SREBF2: variants seen among roughly 807,000 people sequenced by gnomAD.
The protein encoded by SREBF2 is sterol regulatory element-binding protein 2.
Under a neutral mutation model 113.1 loss-of-function variants are expected in SREBF2, and 55 were observed. The ratio of observed to expected loss-of-function variants is 0.49; its 90% CI spans 0.39 to 0.61. The LOEUF is 0.61. Among genes scored for constraint, SREBF2 ranks in the 20% least tolerant of loss-of-function variants. SREBF2 has a pLI of 0.00. For synonymous variants in SREBF2, 593 were observed against 605.7 expected (o/e 0.98, Z 0.31); for missense variants, 1,349 against 1,487.4 (o/e 0.91, Z 1.53).
intron 9 of SREBF2, among the ~76,000 whole-genome samples, chr22:41,880,049 C>T (rs1190771719): frequency 1.3e-5 from 2 of 152,072 alleles, no homozygotes; most frequent in Non-Finnish European, 2.9e-5. Flanking sequence ...TGAAAAGAAA[C>T]GCTTTAGCAG....
At position 41,833,457 on chromosome 22, in the gene SREBF2, G is replaced by A; in HGVS notation, c.88+99G>A. 9.2e-7 allele frequency: 1 copy of A among 1,084,010 alleles called. No homozygotes were observed. The highest frequency in any genetic ancestry group is 1.3e-6 in the Non-Finnish European group (1 of 761,872). 67.1% of individuals were successfully genotyped at this position (1,084,010 alleles called of 1,614,324 possible). The stretch of plus-strand genomic sequence containing the variant: ...GTGCGCCCACCCCCCGACAGCCCCG[G>A]TTCGCGCGGGAAGAACCCCGTGCGC... On this transcript the variant is annotated intron_variant, in intron 1 of 18. Transcript: ENST00000361204. The surrounding 1 kb of genome is among the most constrained non-coding windows in gnomAD (Gnocchi z 4.1).
chr22:41,864,672 C>T (rs1056225649), intron 1 of SREBF2, among the ~76,000 whole-genome samples: 5 of 151,768 alleles, frequency 3.3e-5, no homozygotes, highest in Admixed American at 1.3e-4. Flanking sequence ...GAGAAGGGAT[C>T]TGGCTAGGTG....
intron 12 of SREBF2, among the ~76,000 whole-genome samples, chr22:41,894,026 T>C (rs1323813738): frequency 6.6e-6 from 1 of 152,142 alleles, no homozygotes; most frequent in Non-Finnish European, 1.5e-5. Flanking sequence ...ACTGTATTGC[T>C]CAACGTGAGA....
intron 1 of SREBF2, among the ~76,000 whole-genome samples, chr22:41,851,937 G>A (rs756327823): frequency 2.6e-5 from 4 of 151,986 alleles, no homozygotes; most frequent in Admixed American, 6.5e-5. Context: ...TGGCTAACAC[G>A]GTGAAACCCC....
At chr22:41,839,162 C>T (rs1052982480) in intron 1 of SREBF2, among the ~76,000 whole-genome samples, 11 of 152,040 alleles carry the variant, frequency 7.2e-5, no homozygotes, top group Non-Finnish European at 1.5e-4. Flanking sequence ...TCTAAGATCC[C>T]ATTAAGACTT....
intron 9 of SREBF2, chr22:41,878,721 T>G: frequency 7.7e-7 from 1 of 1,304,234 alleles, no homozygotes. Context: ...ACATCCACAT[T>G]TCAAGAGGAA....
At chr22:41,873,640 T>C in intron 4 of SREBF2, 158 bp from the exon 5 acceptor site, 1 of 733,564 alleles carries the variant, frequency 1.4e-6, no homozygotes, top group East Asian at 2.7e-5. Context: ...TCCTGAGACT[T>C]CTTGGGGCCT....
intron 12 of SREBF2, 48 bp from the exon 13 acceptor site, chr22:41,894,772 G>A (rs776118998): frequency 6.6e-7 from 1 of 1,518,394 alleles, no homozygotes. Flanking sequence ...GACAAAGTGG[G>A]CTCATAAATG....
intron 1 of SREBF2, among the ~76,000 whole-genome samples, chr22:41,858,319 G>C (rs2076995848): frequency 6.6e-6 from 1 of 152,172 alleles, no homozygotes; most frequent in South Asian, 2.1e-4. Flanking sequence ...CTATTCCTCT[G>C]ATCTTGAGGA....
intron 10 of SREBF2, among the ~76,000 whole-genome samples, chr22:41,884,602 C>T (rs899570044): frequency 6.6e-6 from 1 of 152,202 alleles, no homozygotes; most frequent in Non-Finnish European, 1.5e-5. Context: ...GCAATTGTGA[C>T]AGCTCTGGGT....
At position 41,875,525 on chromosome 22, in the gene SREBF2, G is replaced by C; in HGVS notation, c.1205-18G>C. Reference sequence around the variant, plus strand: ...TGTAAAAGCAGATCATTTTCACCAGGTGGGGTTTTCTTTGCAGAGCTTCTA... The same window carrying C: ...TGTAAAAGCAGATCATTTTCACCAGCTGGGGTTTTCTTTGCAGAGCTTCTA... On this transcript the variant is annotated intron_variant, in intron 6 of 18. Coordinates refer to ENST00000361204, the MANE Select transcript of SREBF2 (RefSeq NM_004599.4). 6.2e-7 allele frequency: 1 copy of C among 1,614,228 alleles called. No homozygotes were observed. Among genetic ancestry groups the C allele is most frequent in the Non-Finnish European group, 8.5e-7 (1 of 1,180,046 alleles).
intron 1 of SREBF2, among the ~76,000 whole-genome samples, chr22:41,834,269 C>T (rs1429004657): frequency 6.6e-6 from 1 of 152,118 alleles, no homozygotes; most frequent in Non-Finnish European, 1.5e-5. Context: ...GTTGACTAGG[C>T]TAGTAATCTT....
intron 1 of SREBF2, among the ~76,000 whole-genome samples, chr22:41,849,972 G>A (rs2076912591): frequency 1.4e-5 from 2 of 144,260 alleles, no homozygotes; most frequent in Non-Finnish European, 3.0e-5. Context: ...CCCCATCTCT[G>A]TTAAAAAAAT....
chr22:41,846,058 C>T (rs1245802345), intron 1 of SREBF2, among the ~76,000 whole-genome samples: 2 of 152,124 alleles, frequency 1.3e-5, no homozygotes, highest in East Asian at 1.9e-4. Context: ...TGCTGGTGCT[C>T]GAGTGTCTGG....
At chr22:41,900,533 G>T in intron 16 of SREBF2, 35 bp downstream of exon 16, 2 of 1,604,744 alleles carry the variant, frequency 1.2e-6, no homozygotes, top group Non-Finnish European at 1.7e-6. Flanking sequence ...TGGGGGAGGT[G>T]CTCTGCACTG....
chr22:41,906,972 G>A lies in SREBF2; in HGVS notation c.*1312G>A, dbSNP rs2077514479. 6.6e-6 allele frequency: 1 copy of A among 152,258 alleles called. No individual in the cohort carries two copies. 9.4% of individuals were successfully genotyped at this position (152,258 alleles called of 1,614,324 possible). A position where few individuals can be genotyped will look rare whatever the true frequency, so the allele number is the denominator to read the frequency against. On this transcript the variant is annotated 3_prime_UTR_variant, in exon 19 of 19. Transcript: ENST00000361204. ...CCTCCCTGTGCCTCATCCTCAGGCT[G>A]GTTGGAGCAGAGGGTGGGCAGGAGC...
intron 1 of SREBF2, among the ~76,000 whole-genome samples, chr22:41,861,754 C>G (rs2077029372): frequency 6.6e-6 from 1 of 152,022 alleles, no homozygotes; most frequent in Non-Finnish European, 1.5e-5. Context: ...GAAACCCTGT[C>G]TCTACTAAAA....
intron 15 of SREBF2, chr22:41,899,527 C>G (rs1370602851): frequency 1.0e-6 from 1 of 992,172 alleles, no homozygotes; most frequent in Non-Finnish European, 1.2e-6. Context: ...AGACCCTTAA[C>G]CGGCGCACAG....
chr22:41,864,037 A>G (rs1421872598), intron 1 of SREBF2, among the ~76,000 whole-genome samples: 1 of 149,606 alleles, frequency 6.7e-6, no homozygotes, highest in Non-Finnish European at 1.5e-5. Context: ...GGCACCCACC[A>G]CCATGCCTGG....
Sources: gnomAD v4.1 joint callset for allele counts (sites outside exome capture counted in the v4.1 genomes callset) on GRCh38, gnomAD v4.1.1 for gene constraint, Gnocchi (gnomAD v3.1) non-coding constraint, MANE v1.5 for transcripts, NCBI Gene and HGNC (gene_info 2026-07-23, HGNC 2026-07-21) for gene names.